Variants in CLVS1 observed in about 807,000 individuals in gnomAD.
The protein encoded by CLVS1 is clavesin 1.
In CLVS1, 10 loss-of-function variants were observed where a neutral mutation model predicts 33.1. The ratio of observed to expected loss-of-function variants is 0.30; its 90% confidence interval spans 0.19 to 0.51. The LOEUF is 0.51. CLVS1 is among the 20% of genes least tolerant of loss of function. The probability of loss-of-function intolerance (pLI) is 0.97; values close to 1 mark genes in which losing one functional copy is unlikely to be tolerated. For synonymous variants in CLVS1, 163 were observed against 166.1 expected (o/e 0.98, Z 0.14); for missense variants, 343 against 433.4 (o/e 0.79, Z 1.85).
chr8:61,272,265 C>A (rs576966192), intron 2 of CLVS1, among the ~76,000 whole-genome samples: 1 of 152,164 alleles, frequency 6.6e-6, no homozygotes, highest in Admixed American at 6.5e-5. Context: ...CTTAGTTTGG[C>A]TGCATATGAA....
intron 2 of CLVS1, among the ~76,000 whole-genome samples, chr8:61,260,268 G>A (rs1809172706): frequency 6.6e-6 from 1 of 152,144 alleles, no homozygotes; most frequent in South Asian, 2.1e-4. Flanking sequence ...TAGAGAAAGT[G>A]CTCAAGCTTG....
At chr8:61,227,019 T>C (rs533148148) in intron 2 of CLVS1, among the ~76,000 whole-genome samples, 1 of 150,064 alleles carries the variant, frequency 6.7e-6, no homozygotes, top group South Asian at 2.1e-4. Context: ...GTGTTAAGTT[T>C]AGCTTTTCAG....
intron 2 of CLVS1, among the ~76,000 whole-genome samples, chr8:61,176,382 C>A (rs1183328086): frequency 6.6e-6 from 1 of 152,164 alleles, no homozygotes; most frequent in Non-Finnish European, 1.5e-5. Context: ...ACAAGCCCAG[C>A]CAAGATTGAC....
At chr8:61,045,332 C>T in the CLVS1 span, among the ~76,000 whole-genome samples, 1 of 152,222 alleles carries the variant, frequency 6.6e-6, no homozygotes, top group South Asian at 2.1e-4. Context: ...TTGACCATCT[C>T]ATTATCCAAG....
intron 3 of CLVS1, among the ~76,000 whole-genome samples, chr8:61,435,473 C>T (rs1816296322): frequency 6.6e-6 from 1 of 152,064 alleles, no homozygotes; most frequent in South Asian, 2.1e-4. Context: ...CAATTCAATT[C>T]AATTCCATAA....
intron 2 of CLVS1, among the ~76,000 whole-genome samples, chr8:61,149,745 G>A (rs1273710326): frequency 1.3e-5 from 2 of 152,078 alleles, no homozygotes; most frequent in African/African-American, 4.8e-5. Flanking sequence ...TCTTTCTGGA[G>A]ACAGTCCCTC....
intron 1 of CLVS1, among the ~76,000 whole-genome samples, chr8:61,089,677 G>T (rs1805193424): frequency 6.6e-6 from 1 of 152,160 alleles, no homozygotes; most frequent in Non-Finnish European, 1.5e-5. Flanking sequence ...CCAGGGCTTT[G>T]GGAGGCTGAG....
intron 3 of CLVS1, among the ~76,000 whole-genome samples, chr8:61,421,419 T>C (rs1310976992): frequency 6.6e-6 from 1 of 152,162 alleles, no homozygotes; most frequent in Admixed American, 6.5e-5. Flanking sequence ...GTGGTACATG[T>C]GTGGGGTGTT....
intron 1 of CLVS1, among the ~76,000 whole-genome samples, chr8:61,116,404 G>C (rs1253985993): frequency 2.0e-5 from 3 of 152,126 alleles, no homozygotes; most frequent in Non-Finnish European, 4.4e-5. Context: ...TTTGGCTTTT[G>C]TTGCCATTGC....
the CLVS1 span, among the ~76,000 whole-genome samples, chr8:61,025,235 A>G: frequency 2.0e-5 from 3 of 152,236 alleles, no homozygotes; most frequent in Non-Finnish European, 4.4e-5. Context: ...TATAGTTTCC[A>G]GGCATTTTCT....
At chr8:61,152,669 G>A (rs987530919) in intron 2 of CLVS1, among the ~76,000 whole-genome samples, 3 of 152,156 alleles carry the variant, frequency 2.0e-5, no homozygotes, top group African/African-American at 7.2e-5. Flanking sequence ...GGCTCTCAGG[G>A]CATAGCACCT....
At chr8:61,400,762 A>T (rs900549269) in intron 3 of CLVS1, among the ~76,000 whole-genome samples, 4 of 152,078 alleles carry the variant, frequency 2.6e-5, no homozygotes, top group African/African-American at 9.7e-5. Context: ...AATTTTATCG[A>T]AGGCCTTTTC....
At chr8:61,357,494 C>CT (rs1167743712) in intron 2 of CLVS1, among the ~76,000 whole-genome samples, 1,338 of 25,668 alleles carry the variant, frequency 0.052, 186 homozygotes, top group African/African-American at 0.066. Context: ...TTTTTCTTTT[C>CT]TTTTTTTTTT....
At chr8:61,335,554 G>A (rs992136717) in intron 2 of CLVS1, among the ~76,000 whole-genome samples, 6 of 152,308 alleles carry the variant, frequency 3.9e-5, no homozygotes, top group Middle Eastern at 3.4e-3. Context: ...AGTGGATGAG[G>A]GAGAAACAGC....
the CLVS1 span, among the ~76,000 whole-genome samples, chr8:60,969,072 T>G: frequency 6.6e-6 from 1 of 152,162 alleles, no homozygotes; most frequent in African/African-American, 2.4e-5. Flanking sequence ...ACAATCAAGC[T>G]CTATACGTCA....
chr8:61,379,638 A>G (rs528894910), intron 3 of CLVS1, among the ~76,000 whole-genome samples: 28 of 152,148 alleles, frequency 1.8e-4, no homozygotes, highest in Non-Finnish European at 4.0e-4. Flanking sequence ...GTTGTTGACT[A>G]CTAATTGTTA....
At chr8:61,231,890 T>TG (rs1050539076) in intron 2 of CLVS1, among the ~76,000 whole-genome samples, 6 of 151,548 alleles carry the variant, frequency 4.0e-5, no homozygotes, top group African/African-American at 1.5e-4. Flanking sequence ...AATGCAGGAG[T>TG]GGGGGGCAAG....
At chr8:61,029,336 C>T in the CLVS1 span, among the ~76,000 whole-genome samples, 1 of 152,172 alleles carries the variant, frequency 6.6e-6, no homozygotes, top group Admixed American at 6.5e-5. Flanking sequence ...TGCGAGTTCC[C>T]TGCAGCCATC....
At chr8:61,342,526 C>G (rs1812063303) in intron 2 of CLVS1, among the ~76,000 whole-genome samples, 1 of 152,218 alleles carries the variant, frequency 6.6e-6, no homozygotes, top group South Asian at 2.1e-4. Context: ...TTCTTGATCT[C>G]CCAGTGGTGA....
Sources: allele counts gnomAD v4.1 joint callset (sites outside exome capture counted in the v4.1 genomes callset), GRCh38; gene constraint gnomAD v4.1.1; transcripts MANE v1.5; gene names NCBI Gene and HGNC (gene_info 2026-07-23, HGNC 2026-07-21).